DRC5: variants seen among roughly 807,000 people sequenced by gnomAD.
DRC5 encodes dynein regulatory complex subunit 5, also known as T-complex-associated testis-expressed protein 1.
chr6:44,280,208 G>A, the DRC5 span: 1 of 1,614,184 alleles, frequency 6.2e-7, no homozygotes, highest in Non-Finnish European at 8.5e-7. Flanking sequence ...CAGGGCCATT[G>A]GCAGTTATGG....
At chr6:44,288,044 T>C in the DRC5 span, 1 of 504,108 alleles carries the variant, frequency 2.0e-6, no homozygotes, top group Admixed American at 3.8e-5. Context: ...AAGTTATCTG[T>C]GTGGCCTTGG....
the DRC5 span, chr6:44,287,108 T>G: frequency 1.2e-6 from 1 of 803,164 alleles, no homozygotes; most frequent in Non-Finnish European, 1.5e-6. Flanking sequence ...GCGCCCCATC[T>G]GGTAGGAGAG....
the DRC5 span, among the ~76,000 whole-genome samples, chr6:44,280,594 A>G: frequency 6.6e-6 from 1 of 152,234 alleles, no homozygotes; most frequent in African/African-American, 2.4e-5. Context: ...TCTCAACCCT[A>G]CTAGTTTGAA....
At chr6:44,286,446 CG>C in the DRC5 span, 1 of 1,614,164 alleles carries the variant, frequency 6.2e-7, no homozygotes, top group South Asian at 1.1e-5. Context: ...ATCAGGTTGG[CG>C]GTCACAGCCA....
At chr6:44,280,136 T>G in the DRC5 span, 13 of 1,551,518 alleles carry the variant, frequency 8.4e-6, no homozygotes, top group African/African-American at 1.4e-5. Flanking sequence ...GGCAGGGGTA[T>G]GAAATGAGGG....
chr6:44,279,347 A>G, the DRC5 span: 2 of 152,338 alleles, frequency 1.3e-5, no homozygotes, highest in Non-Finnish European at 2.9e-5. Flanking sequence ...GTCTCTGTCA[A>G]TTGGGTGCAT....
At chr6:44,294,311 G>C in the DRC5 span, among the ~76,000 whole-genome samples, 10 of 152,222 alleles carry the variant, frequency 6.6e-5, no homozygotes, top group East Asian at 1.7e-3. Flanking sequence ...AAAAGTAGAA[G>C]TTGTAATATA....
At chr6:44,284,317 C>T in the DRC5 span, among the ~76,000 whole-genome samples, 2 of 151,988 alleles carry the variant, frequency 1.3e-5, no homozygotes, top group African/African-American at 2.4e-5. Context: ...GCCATGTTTC[C>T]CCATTTCCTC....
chr6:44,283,807 C>T, the DRC5 span, among the ~76,000 whole-genome samples: 1 of 152,248 alleles, frequency 6.6e-6, no homozygotes, highest in Non-Finnish European at 1.5e-5. Context: ...TCTACAACAA[C>T]TATTTCAGCT....
the DRC5 span, chr6:44,286,093 G>C: frequency 6.2e-7 from 1 of 1,614,180 alleles, no homozygotes; most frequent in South Asian, 1.1e-5. Flanking sequence ...GCTCCTCCAG[G>C]TGGCTCAGGC....
the DRC5 span, among the ~76,000 whole-genome samples, chr6:44,295,032 G>A: frequency 6.6e-6 from 1 of 152,182 alleles, no homozygotes; most frequent in Non-Finnish European, 1.5e-5. Flanking sequence ...CACATGGACA[G>A]TCCCCAAGGA....
chr6:44,289,317 G>A, the DRC5 span, among the ~76,000 whole-genome samples: 1,381 of 152,110 alleles, frequency 9.1e-3, 76 homozygotes, highest in Admixed American at 0.077. Context: ...GATTACAGGC[G>A]TGAACCACTG....
the DRC5 span, among the ~76,000 whole-genome samples, chr6:44,294,043 C>T: frequency 1.5e-4 from 22 of 151,694 alleles, no homozygotes; most frequent in African/African-American, 4.8e-4. Flanking sequence ...AGTGCCATGG[C>T]GCAATCTCAG....
At chr6:44,286,609 G>A in the DRC5 span, 1 of 1,344,210 alleles carries the variant, frequency 7.4e-7, no homozygotes, top group East Asian at 2.3e-5. Flanking sequence ...GGCTGGGCCT[G>A]CCTGGGAGCA....
At chr6:44,287,965 G>T in the DRC5 span, 1 of 1,105,410 alleles carries the variant, frequency 9.0e-7, no homozygotes, top group Non-Finnish European at 1.3e-6. Context: ...GTGGGTCTTG[G>T]TGGGCATTTA....
the DRC5 span, among the ~76,000 whole-genome samples, chr6:44,290,589 C>G: frequency 6.6e-6 from 1 of 152,150 alleles, no homozygotes; most frequent in Non-Finnish European, 1.5e-5. Flanking sequence ...GACAGTACGA[C>G]AGAGGCAAAG....
At chr6:44,282,991 A>T in the DRC5 span, among the ~76,000 whole-genome samples, 1 of 151,718 alleles carries the variant, frequency 6.6e-6, no homozygotes, top group African/African-American at 2.4e-5. Context: ...TTTAGTAGAG[A>T]CAGGGTTTTA....
At chr6:44,284,203 C>A in the DRC5 span, among the ~76,000 whole-genome samples, 1 of 152,142 alleles carries the variant, frequency 6.6e-6, no homozygotes, top group Admixed American at 6.5e-5. Flanking sequence ...ATAGCTCCCC[C>A]TCAGTGACCT....
the DRC5 span, among the ~76,000 whole-genome samples, chr6:44,284,618 T>C: frequency 1.3e-5 from 2 of 152,206 alleles, no homozygotes; most frequent in Non-Finnish European, 2.9e-5. Flanking sequence ...TCTCTGCACA[T>C]GGTCCCTCCA....
Sources: allele counts gnomAD v4.1 joint callset (sites outside exome capture counted in the v4.1 genomes callset), GRCh38; gene constraint gnomAD v4.1.1; transcripts MANE v1.5; gene names NCBI Gene and HGNC (gene_info 2026-07-23, HGNC 2026-07-21).